The following FRMD5 variants were observed in gnomAD, a reference collection of about 807,000 sequenced individuals.
FRMD5 encodes FERM domain-containing protein 5.
In FRMD5, 20 loss-of-function variants were observed where a neutral mutation model predicts 69.0. The ratio of observed to expected loss-of-function variants is 0.29; its 90% CI spans 0.20 to 0.42. FRMD5 has a LOEUF of 0.42. FRMD5 is among the 10% of genes least tolerant of loss of function. FRMD5 has a pLI of 1.00. For missense variants in FRMD5, 595 were observed against 708.6 expected, an observed-to-expected ratio of 0.84 and a Z score of 1.82; for synonymous variants, 271 against 260.1, an observed-to-expected ratio of 1.04 and a Z score of -0.40.
intron 1 of FRMD5, among the ~76,000 whole-genome samples, chr15:44,108,348 A>C (rs1026636210): frequency 2.6e-5 from 4 of 152,242 alleles, no homozygotes; most frequent in South Asian, 4.1e-4. Flanking sequence ...AAAAAAATAA[A>C]AATAAAAAAA....
chr15:43,897,867 T>C lies in FRMD5; in HGVS notation c.639+4308A>G, dbSNP rs1256039236. Among the ~76,000 whole-genome samples, 8 of 152,180 alleles carry C rather than the reference T, an allele frequency of 5.3e-5. No homozygotes were observed. In the South Asian group the frequency reaches 1.7e-3, roughly 32 times the overall value. On this transcript the variant is annotated intron_variant, in intron 7 of 13. Coordinates refer to ENST00000417257, the MANE Select transcript of FRMD5 (RefSeq NM_032892.5). ...TTTCCCCATGCTGTTCTCATGATAG[T>C]GAGGGAGTTCTCACAAGATCTGATG...
At chr15:43,992,964 T>A (rs1889757705) in intron 1 of FRMD5, among the ~76,000 whole-genome samples, 1 of 152,152 alleles carries the variant, frequency 6.6e-6, no homozygotes, top group African/African-American at 2.4e-5. Flanking sequence ...TTGTATTCTA[T>A]TTTTGTCTCA....
chr15:44,076,196 A>C (rs189066647), intron 1 of FRMD5, among the ~76,000 whole-genome samples: 1 of 152,106 alleles, frequency 6.6e-6, no homozygotes, highest in Non-Finnish European at 1.5e-5. Context: ...TAGTTCAACC[A>C]TTGTGGAAGT....
chr15:43,901,872 G>T (rs975467788), intron 7 of FRMD5: 1 of 349,422 alleles, frequency 2.9e-6, no homozygotes, highest in South Asian at 3.6e-5. Context: ...CGTTCTCTGT[G>T]GGGGGCCTTC....
At chr15:43,941,699 G>A (rs764227669) in intron 1 of FRMD5, among the ~76,000 whole-genome samples, 17 of 152,150 alleles carry the variant, frequency 1.1e-4, no homozygotes, top group Admixed American at 6.5e-4. Context: ...CATTCTAAGT[G>A]CTTTTTTCAG....
intron 1 of FRMD5, among the ~76,000 whole-genome samples, chr15:44,141,939 G>A (rs2077279918): frequency 6.6e-6 from 1 of 152,094 alleles, no homozygotes; most frequent in South Asian, 2.1e-4. Context: ...TCTTCTCCAA[G>A]TGTAAGGCCT....
intron 1 of FRMD5, among the ~76,000 whole-genome samples, chr15:44,104,256 G>A (rs761993768): frequency 6.6e-6 from 1 of 152,186 alleles, no homozygotes; most frequent in Non-Finnish European, 1.5e-5. Context: ...ACTGTGCAAT[G>A]TGTTTATATT....
intron 1 of FRMD5, among the ~76,000 whole-genome samples, chr15:43,978,695 G>A (rs1449653908): frequency 3.9e-5 from 6 of 152,032 alleles, no homozygotes; most frequent in East Asian, 3.9e-4. Context: ...GGGATTACAG[G>A]TACCCACCAC....
At chr15:44,152,155 G>C (rs2077457359) in intron 1 of FRMD5, among the ~76,000 whole-genome samples, 1 of 152,194 alleles carries the variant, frequency 6.6e-6, no homozygotes, top group Non-Finnish European at 1.5e-5. Context: ...GGTGCAGTGA[G>C]CTGAGATTGC....
chr15:43,880,459 C>T (rs1248316767), intron 13 of FRMD5, among the ~76,000 whole-genome samples: 1 of 152,170 alleles, frequency 6.6e-6, no homozygotes, highest in Non-Finnish European at 1.5e-5. Context: ...GACGTTGCAC[C>T]TGAACTCTCG....
At chr15:44,026,995 T>TA (rs1393710563) in intron 1 of FRMD5, among the ~76,000 whole-genome samples, 3 of 152,062 alleles carry the variant, frequency 2.0e-5, no homozygotes, top group Non-Finnish European at 2.9e-5. Context: ...TACAATGCAA[T>TA]AAAAAATAGC....
At chr15:44,002,996 C>A (rs768216825) in intron 1 of FRMD5, among the ~76,000 whole-genome samples, 4 of 152,140 alleles carry the variant, frequency 2.6e-5, no homozygotes, top group Non-Finnish European at 5.9e-5. Flanking sequence ...ATTCCCAAGT[C>A]ATACCACAGC....
chr15:44,129,600 T>C (rs565071664), intron 1 of FRMD5, among the ~76,000 whole-genome samples: 2 of 152,232 alleles, frequency 1.3e-5, no homozygotes, highest in South Asian at 2.1e-4. Context: ...TAGAACTCAG[T>C]TTCTGCTTCA....
chr15:43,945,519 A>G (rs957580822), intron 1 of FRMD5, among the ~76,000 whole-genome samples: 2 of 152,188 alleles, frequency 1.3e-5, no homozygotes, highest in Non-Finnish European at 2.9e-5. Flanking sequence ...ACAGTGGAAT[A>G]TCATTATGAA....
At chr15:43,948,193 C>G (rs927250169) in intron 1 of FRMD5, among the ~76,000 whole-genome samples, 3 of 152,160 alleles carry the variant, frequency 2.0e-5, no homozygotes, top group Admixed American at 6.5e-5. Flanking sequence ...ATTATAGAAC[C>G]TGAATATATA....
At chr15:44,143,845 A>G (rs1381378688) in intron 1 of FRMD5, among the ~76,000 whole-genome samples, 2 of 146,938 alleles carry the variant, frequency 1.4e-5, no homozygotes, top group Non-Finnish European at 3.0e-5. Context: ...AATCGCTTGA[A>G]CCCAGGAGGC....
At chr15:44,091,367 T>C (rs1364559233) in intron 1 of FRMD5, among the ~76,000 whole-genome samples, 5 of 152,008 alleles carry the variant, frequency 3.3e-5, no homozygotes, top group African/African-American at 7.2e-5. Flanking sequence ...CACACGCACA[T>C]GCACACACAC....
rs1237521415 is a variant in FRMD5, at chr15:43,937,645, A to C, written c.103-13336T>G. ...GGGTGACAGAGTGAGACACTGTCTCAAAAAAAAAAAAAAAAAAAGTGCTCC... is the reference window on the plus strand; with the variant it reads ...GGGTGACAGAGTGAGACACTGTCTCCAAAAAAAAAAAAAAAAAAGTGCTCC... On this transcript the variant is annotated intron_variant, in intron 1 of 13. Transcript: ENST00000417257. 7.3e-5 allele frequency among the ~76,000 whole-genome samples: 9 copies of C among 123,434 alleles called. No homozygotes were observed. In the South Asian group the frequency reaches 1.7e-3, roughly 24 times the overall value. The allele number at this position is 123,434 out of a possible 152,430, so 81.0% of individuals were successfully genotyped here.
intron 1 of FRMD5, among the ~76,000 whole-genome samples, chr15:44,134,125 GTT>G (rs1054909053): frequency 6.8e-6 from 1 of 146,870 alleles, no homozygotes; most frequent in Non-Finnish European, 1.5e-5. Flanking sequence ...CAAATACTTT[GTT>G]TTTTTTTTTG....
Sources: allele counts gnomAD v4.1 joint callset (sites outside exome capture counted in the v4.1 genomes callset), GRCh38; gene constraint gnomAD v4.1.1; transcripts MANE v1.5; gene names NCBI Gene and HGNC (gene_info 2026-07-23, HGNC 2026-07-21).